SLC4A4: variants seen among roughly 807,000 people sequenced by gnomAD.
SLC4A4 encodes the protein electrogenic sodium bicarbonate cotransporter 1.
SLC4A4 carries 27 observed loss-of-function variants against 111.5 expected under a neutral mutation model. The ratio of observed to expected loss-of-function variants is 0.24; its 90% CI spans 0.18 to 0.33. The LOEUF is 0.33. Ranked by LOEUF, SLC4A4 falls within the 10% of genes least tolerant of loss-of-function variation. The pLI is 1.00. For synonymous variants in SLC4A4, 443 were observed against 463.4 expected (o/e 0.96, Z 0.57); for missense variants, 909 against 1,315.5 (o/e 0.69, Z 4.78).
chr4:71,238,290 G>A (rs868752599), intron 2 of SLC4A4, among the ~76,000 whole-genome samples: 1 of 152,168 alleles, frequency 6.6e-6, no homozygotes, highest in Non-Finnish European at 1.5e-5. Flanking sequence ...TACTGAAATA[G>A]GATATTGTAT....
intron 2 of SLC4A4, among the ~76,000 whole-genome samples, chr4:71,124,201 T>G (rs1473588968): frequency 7.0e-6 from 1 of 143,428 alleles, no homozygotes; most frequent in African/African-American, 2.6e-5. Flanking sequence ...TGTGACAGAG[T>G]CTTGCCCTGT....
chr4:71,401,518 C>T (rs1289744702), intron 7 of SLC4A4, among the ~76,000 whole-genome samples: 1 of 152,126 alleles, frequency 6.6e-6, no homozygotes, highest in Non-Finnish European at 1.5e-5. Context: ...GTATTTTTCA[C>T]ATTATCTAAT....
chr4:71,527,894 T>C (rs892798211), intron 16 of SLC4A4, among the ~76,000 whole-genome samples: 10 of 152,158 alleles, frequency 6.6e-5, no homozygotes, highest in Admixed American at 2.0e-4. Context: ...GTGAATGTAA[T>C]CACTTAGGGA....
chr4:71,444,857 G>A (rs1268973026), intron 8 of SLC4A4, among the ~76,000 whole-genome samples: 2 of 152,084 alleles, frequency 1.3e-5, no homozygotes, highest in African/African-American at 4.8e-5. Flanking sequence ...TTGAGGTTAT[G>A]TTTCCTGCTG....
intron 3 of SLC4A4, among the ~76,000 whole-genome samples, chr4:71,296,819 C>T (rs1341169535): frequency 6.6e-6 from 1 of 152,120 alleles, no homozygotes; most frequent in East Asian, 1.9e-4. Context: ...TCTGTCATTT[C>T]ACAGACATAC....
chr4:71,525,321 C>A (rs183317677), intron 16 of SLC4A4, among the ~76,000 whole-genome samples: 6 of 152,160 alleles, frequency 3.9e-5, no homozygotes. Flanking sequence ...AAATATTATT[C>A]TCCTCTTCAT....
chr4:71,240,618 T>A (rs1423951195), intron 2 of SLC4A4, among the ~76,000 whole-genome samples: 1 of 152,108 alleles, frequency 6.6e-6, no homozygotes, highest in Non-Finnish European at 1.5e-5. Context: ...GGAGGGAGTG[T>A]TGTTGAAAAT....
intron 3 of SLC4A4, 85 bp downstream of exon 3, chr4:71,255,484 A>G (rs1721381121): frequency 3.0e-6 from 4 of 1,324,450 alleles, no homozygotes; most frequent in Non-Finnish European, 4.3e-6. Flanking sequence ...TTGTGGCTAA[A>G]GGGGAGGGAC....
intron 6 of SLC4A4, among the ~76,000 whole-genome samples, chr4:71,372,007 C>T (rs1280248461): frequency 6.6e-6 from 1 of 152,188 alleles, no homozygotes; most frequent in Non-Finnish European, 1.5e-5. Flanking sequence ...ATATCCTGGT[C>T]TGATGAATTT....
chr4:71,077,111 G>C (rs1222171647), intron 1 of SLC4A4, among the ~76,000 whole-genome samples: 1 of 148,382 alleles, frequency 6.7e-6, no homozygotes, highest in African/African-American at 2.5e-5. Context: ...AATATGTAAG[G>C]AGGTTATGTT....
At chr4:71,293,417 G>A (rs1328785685) in intron 3 of SLC4A4, among the ~76,000 whole-genome samples, 1 of 151,626 alleles carries the variant, frequency 6.6e-6, no homozygotes, top group Non-Finnish European at 1.5e-5. Flanking sequence ...ACCAAAATTA[G>A]CTGGGTGTGG....
intron 3 of SLC4A4, among the ~76,000 whole-genome samples, chr4:71,280,994 A>C (rs1215940449): frequency 6.6e-6 from 1 of 152,206 alleles, no homozygotes; most frequent in Non-Finnish European, 1.5e-5. Context: ...TGGTCACTGC[A>C]AAGAAATAAA....
chr4:71,479,949 A>G (rs888777517), intron 14 of SLC4A4, among the ~76,000 whole-genome samples: 1 of 151,580 alleles, frequency 6.6e-6, no homozygotes, highest in African/African-American at 2.4e-5. Context: ...TCTATAACAC[A>G]TCTCCAAGAT....
chr4:71,180,829 C>T (rs1578558101), intron 2 of SLC4A4, among the ~76,000 whole-genome samples: 1 of 152,026 alleles, frequency 6.6e-6, no homozygotes, highest in East Asian at 1.9e-4. Flanking sequence ...ACCATTTGAC[C>T]CAGCAATACC....
intron 2 of SLC4A4, among the ~76,000 whole-genome samples, chr4:71,251,503 C>T (rs991753778): frequency 1.3e-5 from 2 of 152,116 alleles, no homozygotes; most frequent in South Asian, 2.1e-4. Flanking sequence ...GGCTGTGGTA[C>T]GGATTGGGAG....
At chr4:71,383,189 T>C (rs1208137380) in intron 6 of SLC4A4, among the ~76,000 whole-genome samples, 1 of 152,142 alleles carries the variant, frequency 6.6e-6, no homozygotes, top group East Asian at 1.9e-4. Flanking sequence ...TGACAGATAC[T>C]AGAATGAGCT....
At chr4:71,519,780 G>A (rs1436551612) in intron 16 of SLC4A4, among the ~76,000 whole-genome samples, 3 of 152,094 alleles carry the variant, frequency 2.0e-5, no homozygotes, top group Non-Finnish European at 2.9e-5. Flanking sequence ...GTTTACAGGT[G>A]TACACCACCA....
chr4:71,118,934 G>A (rs1253457383), intron 2 of SLC4A4, among the ~76,000 whole-genome samples: 1 of 152,160 alleles, frequency 6.6e-6, no homozygotes, highest in Non-Finnish European at 1.5e-5. Context: ...GTGGGGCACA[G>A]AGGACTCTTA....
At chr4:71,305,823 GGA>G (rs1725637195) in intron 3 of SLC4A4, among the ~76,000 whole-genome samples, 1 of 152,196 alleles carries the variant, frequency 6.6e-6, no homozygotes, top group South Asian at 2.1e-4. Flanking sequence ...CCTAATGGGA[GGA>G]GAGACAGACA....
Sources: gnomAD v4.1 joint callset for allele counts (sites outside exome capture counted in the v4.1 genomes callset) on GRCh38, gnomAD v4.1.1 for gene constraint, MANE v1.5 for transcripts, NCBI Gene and HGNC (gene_info 2026-07-23, HGNC 2026-07-21) for gene names.